The following RFXAP variants were observed in gnomAD, a reference collection of about 807,000 sequenced individuals.
The protein encoded by RFXAP is regulatory factor X associated protein.
RFXAP carries 21 observed loss-of-function variants against 25.7 expected under a neutral mutation model. The ratio of observed to expected loss-of-function variants is 0.82; its 90% CI spans 0.58 to 1.18. The LOEUF is 1.18. Among genes scored for constraint, RFXAP ranks in the 50% most tolerant of loss-of-function variants. The pLI, the probability that RFXAP is intolerant of heterozygous loss-of-function variation, is 0.00. For synonymous variants in RFXAP, 161 were observed against 152.2 expected (o/e 1.06, Z -0.43); for missense variants, 333 against 363.0 (o/e 0.92, Z 0.67).
chr13:36,819,916 G>A lies in RFXAP; in HGVS notation c.559G>A (p.Gly187Arg). Residue 187 changes from glycine to arginine, a missense_variant, in exon 1 of 3, where the codon GGG (glycine) becomes AGG (arginine). By Grantham distance (125) the Gly-to-Arg change is moderately radical. Coordinates refer to ENST00000255476, the MANE Select transcript of RFXAP (RefSeq NM_000538.4). Reference sequence around the variant, plus strand: ...GAGCGACCAGGCCCTGAACTGCGGTGGGACTGCCTCGACTGGCAGCGCGGG... The same window carrying A: ...GAGCGACCAGGCCCTGAACTGCGGTAGGACTGCCTCGACTGGCAGCGCGGG... ...KKSDQALNCG[G>R]TASTGSAGNV... is the part of the protein sequence containing the mutation. 1.2e-6 allele frequency: 2 copies of A among 1,613,868 alleles called. No homozygotes were observed. The highest frequency in any genetic ancestry group is 2.2e-5 in the South Asian group (2 of 90,950).
rs2057954653 is a variant in RFXAP at position 36,819,561 on chromosome 13, C to T, written c.204C>T (p.Gly68=). Residue 68 remains glycine (G), a synonymous_variant, in exon 1 of 3, where the codon GGC becomes GGT. Transcript: ENST00000255476. ...CCCCCGGGGGCAGCGTTGGGGCGGG[C>T]AAGCCCGTTAGGTACCTGTGCGAAG... ...AAAPGGSVGA[G]KPVRYLCEGA... 6.6e-7 allele frequency: 1 copy of T among 1,524,446 alleles called. No individual in the cohort carries two copies. The highest frequency in any genetic ancestry group is 8.8e-7 in the Non-Finnish European group (1 of 1,133,546). The allele number at this position is 1,524,446 out of a possible 1,614,324, so 94.4% of individuals were successfully genotyped here.
At position 36,824,283 on chromosome 13, in the gene RFXAP, G is replaced by C. The variant is rs142207502; in HGVS notation, c.601-1145G>C. 4.3e-3 allele frequency among the ~76,000 whole-genome samples: 652 copies of C among 152,164 alleles called. 3 individuals carry two copies. The highest frequency in any genetic ancestry group is 0.015 in the African/African-American group (635 of 41,536). ...AATCTCATAAATAAAATCAACTTGGGGGTTGCTGGAGGAGGAAGAAATTAT... is the reference window on the plus strand; with the variant it reads ...AATCTCATAAATAAAATCAACTTGGCGGTTGCTGGAGGAGGAAGAAATTAT... On this transcript the variant is annotated intron_variant, in intron 1 of 2. Transcript: ENST00000255476.
chr13:36,825,413 T>G lies in RFXAP; in HGVS notation c.601-15T>G. 6.4e-7 allele frequency: 1 copy of G among 1,571,438 alleles called. No individual in the cohort carries two copies. Among genetic ancestry groups the G allele is most frequent in the South Asian group, 1.1e-5 (1 of 90,142 alleles). On this transcript the variant is annotated splice_polypyrimidine_tract_variant and intron_variant, in intron 1 of 2. Coordinates refer to ENST00000255476, the MANE Select transcript of RFXAP (RefSeq NM_000538.4). ...TTAACTGTTTATCTATTTGCATTTT[T>G]ATCATTTATCCCAGGAAAGTGCAGA...
chr13:36,824,793 C>T (rs531273935), intron 1 of RFXAP, among the ~76,000 whole-genome samples: 2 of 152,160 alleles, frequency 1.3e-5, no homozygotes, highest in South Asian at 4.2e-4. Context: ...TTAGGACTTA[C>T]CTGTTTTGTT....
rs10573140 is a variant in RFXAP at position 36,821,214 on chromosome 13, T to TA, written c.600+1285dup. On this transcript the variant is annotated intron_variant, in intron 1 of 2. Transcript: ENST00000255476. ...ATGACATAGCAAGACCCTGTCTCCT[T>TA]AAAAAAAAAAAAAAAAAAAAAAAAA... is the stretch of plus-strand genomic sequence containing the variant. Among the ~76,000 whole-genome samples the TA allele has an allele frequency of 6.4e-4, 67 of 104,836 alleles. 1 individual carries two copies. In the East Asian group the frequency reaches 0.012, roughly 19 times the overall value. The allele number at this position is 104,836 out of a possible 152,430, so 68.8% of individuals were successfully genotyped here.
chr13:36,826,142 C>T (rs2057977272), intron 2 of RFXAP, among the ~76,000 whole-genome samples: 1 of 152,142 alleles, frequency 6.6e-6, no homozygotes, highest in Non-Finnish European at 1.5e-5. Flanking sequence ...CACTGTACTC[C>T]AGCCTAGGCA....
intron 1 of RFXAP, among the ~76,000 whole-genome samples, chr13:36,823,753 C>T (rs1047144159): frequency 6.6e-6 from 1 of 152,074 alleles, no homozygotes; most frequent in Non-Finnish European, 1.5e-5. Context: ...GTCTACTCCA[C>T]CAATCTAAGA....
At chr13:36,822,926 GAGGAGGATAGATCATTGT>G (rs555961860) in intron 1 of RFXAP, among the ~76,000 whole-genome samples, 52 of 152,300 alleles carry the variant, frequency 3.4e-4, no homozygotes, top group African/African-American at 1.2e-3. Context: ...TAGTAGTTCA[GAGGAGGATAGATCATTGT>G]AGGCTGAGAT....
Position 36,819,489 on chromosome 13 carries a change from C to A in RFXAP, c.132C>A (p.Phe44Leu). The A allele has an allele frequency of 6.5e-7, 1 of 1,545,280 alleles. No homozygotes were observed. Among genetic ancestry groups the A allele is most frequent in the Non-Finnish European group, 8.7e-7 (1 of 1,145,000 alleles). Reference protein sequence around the residue: ...PASVAAAASQFTLLVMQPCAG... With the variant: ...PASVAAAASQLTLLVMQPCAG... ...CGGTGGCGGCCGCGGCCTCTCAATTCACCCTGCTAGTGATGCAACCCTGTG... is the reference window on the plus strand; with the variant it reads ...CGGTGGCGGCCGCGGCCTCTCAATTAACCCTGCTAGTGATGCAACCCTGTG... The change falls in exon 1 of 3, where the codon TTC becomes TTA. Residue 44 changes from phenylalanine to leucine, a missense_variant. Phe to Leu is a conservative substitution (Grantham distance 22). Transcript: ENST00000255476.
intron 2 of RFXAP, among the ~76,000 whole-genome samples, chr13:36,826,981 ACCCT>A (rs2057980097): frequency 6.6e-6 from 1 of 152,150 alleles, no homozygotes; most frequent in African/African-American, 2.4e-5. Flanking sequence ...ACAGAGTGAG[ACCCT>A]GTCTCTAATA....
chr13:36,821,287 A>C (rs1163718989), intron 1 of RFXAP, among the ~76,000 whole-genome samples: 1 of 151,494 alleles, frequency 6.6e-6, no homozygotes, highest in African/African-American at 2.4e-5. Context: ...GATGTATTCT[A>C]AGTCTTTAAA....
rs188416659 is a variant in RFXAP at position 36,825,087 on chromosome 13, A to G, written c.601-341A>G. Among the ~76,000 whole-genome samples, 14 of 152,260 alleles carry G rather than the reference A, an allele frequency of 9.2e-5. No individual in the cohort carries two copies. The East Asian group carries it at 2.7e-3, about 29-fold the overall frequency. ...CCACTTGGCATTTTTTGTAATATTG[A>G]AAATAGCTCACAAGTAACTCTGCCT... On this transcript the variant is annotated intron_variant, in intron 1 of 2. Coordinates refer to ENST00000255476, the MANE Select transcript of RFXAP (RefSeq NM_000538.4).
rs2057952178 is a variant in RFXAP, at chr13:36,819,231, C to T, written c.-127C>T. 3.0e-6 allele frequency: 3 copies of T among 993,882 alleles called. No homozygotes were observed. Among genetic ancestry groups the T allele is most frequent in the Non-Finnish European group, 3.9e-6 (3 of 777,506 alleles). 61.6% of individuals were successfully genotyped at this position (993,882 alleles called of 1,614,324 possible). On this transcript the variant is annotated 5_prime_UTR_variant, in exon 1 of 3. Coordinates refer to ENST00000255476, the MANE Select transcript of RFXAP (RefSeq NM_000538.4). ...CAGGCTGCGGTCGCGCAGGCGCAGT[C>T]GGGGCGCCTTCCCGGTATAGGCGCC... is the stretch of plus-strand genomic sequence containing the variant.
intron 2 of RFXAP, among the ~76,000 whole-genome samples, chr13:36,826,277 G>A (rs1009578294): frequency 5.3e-5 from 8 of 152,070 alleles, no homozygotes; most frequent in African/African-American, 1.9e-4. Context: ...CCTGTAATTT[G>A]ATGAGGAAAA....
At chr13:36,827,548 G>A (rs2057982088) in intron 2 of RFXAP, 95 bp from the exon 3 acceptor site, 1 of 863,036 alleles carries the variant, frequency 1.2e-6, no homozygotes, top group Non-Finnish European at 1.9e-6. Flanking sequence ...TGAACATATT[G>A]TATCATATGT....
intron 2 of RFXAP, among the ~76,000 whole-genome samples, chr13:36,826,547 A>G (rs1253130354): frequency 6.6e-6 from 1 of 152,188 alleles, no homozygotes; most frequent in East Asian, 1.9e-4. Context: ...TTCAACTCAG[A>G]CATCACATTT....
intron 2 of RFXAP, among the ~76,000 whole-genome samples, chr13:36,825,902 TTG>T (rs58782640): frequency 0.18 from 27,643 of 152,026 alleles, 2,796 homozygotes; most frequent in African/African-American, 0.26. Flanking sequence ...TGGTTGGGCA[TTG>T]TGGTTCATGC....
At chr13:36,822,365 C>A (rs1419756010) in intron 1 of RFXAP, among the ~76,000 whole-genome samples, 1 of 151,972 alleles carries the variant, frequency 6.6e-6, no homozygotes, top group Admixed American at 6.6e-5. Flanking sequence ...ACGGGTGAGA[C>A]CCACCACGCC....
intron 1 of RFXAP, among the ~76,000 whole-genome samples, chr13:36,820,856 A>G (rs2057959601): frequency 6.6e-6 from 1 of 152,216 alleles, no homozygotes; most frequent in Admixed American, 6.5e-5. Context: ...TGTCATTCAT[A>G]GTGTTGCTGT....
Sources: allele counts gnomAD v4.1 joint callset (sites outside exome capture counted in the v4.1 genomes callset), GRCh38; gene constraint gnomAD v4.1.1; transcripts MANE v1.5; gene names NCBI Gene and HGNC (gene_info 2026-07-23, HGNC 2026-07-21).